Variants in CAMSAP1 observed in about 807,000 individuals in gnomAD.
CAMSAP1 encodes calmodulin-regulated spectrin-associated protein 1.
Under a neutral mutation model 143.5 loss-of-function variants are expected in CAMSAP1, and 58 were observed. The observed-to-expected ratio is 0.40, with a 90% confidence interval of 0.33 to 0.50. The LOEUF (loss-of-function observed/expected upper bound fraction) is 0.50, where lower values mean the gene tolerates loss of function less well. CAMSAP1 is among the 20% of genes least tolerant of loss of function. The pLI, the probability that CAMSAP1 is intolerant of heterozygous loss-of-function variation, is 0.45. For synonymous variants in CAMSAP1, 945 were observed against 859.3 expected (o/e 1.10, Z -1.74); for missense variants, 1,969 against 2,115.7 (o/e 0.93, Z 1.36).
chr9:135,850,413 A>G lies in CAMSAP1; in HGVS notation c.857T>C (p.Ile286Thr), dbSNP rs1391327009. 6.2e-7 allele frequency: 1 copy of G among 1,610,546 alleles called. No homozygotes were observed. Among genetic ancestry groups the G allele is most frequent in the South Asian group, 1.1e-5 (1 of 89,970 alleles). Reference sequence around the variant, plus strand: ...ATTGGAGAATTCTCTCAGAAGCCGAATATTATACAGACTGTCGGCCATCGA... The same window carrying G: ...ATTGGAGAATTCTCTCAGAAGCCGAGTATTATACAGACTGTCGGCCATCGA... ...VTSMADSLYN[I>T]RLLREFSNEY... The change falls in exon 6 of 17, where the codon ATT becomes ACT. Residue 286 changes from isoleucine (I) to threonine (T), a missense_variant. By Grantham distance (89) the Ile-to-Thr change is moderately conservative. Coordinates refer to ENST00000389532, the MANE Select transcript of CAMSAP1 (RefSeq NM_015447.4).
At position 135,822,026 on chromosome 9, in the gene CAMSAP1, C is replaced by T. The variant is rs746589787; in HGVS notation, c.2635G>A (p.Val879Ile). ...DPASLLASEL[V>I]QLHMQLEEKR... is the part of the protein sequence containing the mutation. ...TCCTCCAGCTGCATGTGCAGCTGTACCAGCTCAGATGCCAGGAGGCTGGCG... is the reference window on the plus strand; with the variant it reads ...TCCTCCAGCTGCATGTGCAGCTGTATCAGCTCAGATGCCAGGAGGCTGGCG... The change falls in exon 11 of 17, where the codon GTA becomes ATA. Residue 879 changes from valine to isoleucine, a missense_variant. Val to Ile is a conservative substitution (Grantham distance 29, BLOSUM62 3). Transcript: ENST00000389532. This position sits in a 1 kb window ranked among gnomAD's most constrained non-coding sequence, Gnocchi z 6.1. 5 of 1,612,920 alleles carry T rather than the reference C, an allele frequency of 3.1e-6. No individual in the cohort carries two copies. In the Admixed American group the frequency reaches 8.3e-5, roughly 27 times the overall value.
chr9:135,902,132 C>G (rs1273150103), intron 1 of CAMSAP1, among the ~76,000 whole-genome samples: 1 of 152,184 alleles, frequency 6.6e-6, no homozygotes, highest in Non-Finnish European at 1.5e-5. Flanking sequence ...GCTAGCTGGA[C>G]CAACTAGCAA....
Position 135,895,507 on chromosome 9 carries a change from G to A in CAMSAP1, c.160+11493C>T, listed in dbSNP as rs896647063. Among the ~76,000 whole-genome samples the A allele has an allele frequency of 2.6e-5, 4 of 152,044 alleles. No homozygotes were observed. The East Asian group carries it at 7.7e-4, about 29-fold the overall frequency. ...AGACTATCCTTAAAAAAATGAAGAGGAAATAAAGATGTTTTCTGGTGAAGA... is the reference window on the plus strand; with the variant it reads ...AGACTATCCTTAAAAAAATGAAGAGAAAATAAAGATGTTTTCTGGTGAAGA... On this transcript the variant is annotated intron_variant, in intron 1 of 16. Coordinates refer to ENST00000389532, the MANE Select transcript of CAMSAP1 (RefSeq NM_015447.4).
chr9:135,888,976 G>A (rs1206109164), intron 1 of CAMSAP1, among the ~76,000 whole-genome samples: 1 of 152,242 alleles, frequency 6.6e-6, no homozygotes, highest in African/African-American at 2.4e-5. Flanking sequence ...GTGCAGACTT[G>A]GCTTCCAGCC....
At chr9:135,842,366 A>G (rs1350063372) in intron 7 of CAMSAP1, among the ~76,000 whole-genome samples, 1 of 152,246 alleles carries the variant, frequency 6.6e-6, no homozygotes, top group East Asian at 1.9e-4. Flanking sequence ...GCCCAAACCT[A>G]CGTTTGACTG....
chr9:135,892,810 C>T (rs1408206123), intron 1 of CAMSAP1, among the ~76,000 whole-genome samples: 1 of 127,262 alleles, frequency 7.9e-6, no homozygotes, highest in East Asian at 2.2e-4. Context: ...AAGATCACAA[C>T]ATTGCACTCC....
At chr9:135,898,476 T>C (rs1838522116) in intron 1 of CAMSAP1, among the ~76,000 whole-genome samples, 1 of 152,156 alleles carries the variant, frequency 6.6e-6, no homozygotes. Flanking sequence ...GAGAGCCCAT[T>C]TCTACAAAAA....
At position 135,810,649 on chromosome 9, in the gene CAMSAP1, T is replaced by G. The variant is rs577251400; in HGVS notation, c.*660A>C. 4.6e-5 allele frequency: 7 copies of G among 152,594 alleles called. No homozygotes were observed. The highest frequency in any genetic ancestry group is 1.0e-4 in the Non-Finnish European group (7 of 68,060). The allele number at this position is 152,594 out of a possible 1,614,324, so 9.5% of individuals were successfully genotyped here. A position where few individuals can be genotyped will look rare whatever the true frequency, so the allele number is the denominator to read the frequency against. ...GACAGGCTTTGCAGATTTCGGTGCTTTTAGTGAACTGGTGTTTTCCGTAAA... is the reference window on the plus strand; with the variant it reads ...GACAGGCTTTGCAGATTTCGGTGCTGTTAGTGAACTGGTGTTTTCCGTAAA... On this transcript the variant is annotated 3_prime_UTR_variant, in exon 17 of 17. Transcript: ENST00000389532.
At chr9:135,890,223 A>G (rs1838247758) in intron 1 of CAMSAP1, among the ~76,000 whole-genome samples, 1 of 152,052 alleles carries the variant, frequency 6.6e-6, no homozygotes, top group Admixed American at 6.5e-5. Context: ...CTCCACACAC[A>G]TACAGCTCAC....
At position 135,823,025 on chromosome 9, in the gene CAMSAP1, C is replaced by A. The variant is rs1835540287; in HGVS notation, c.1636G>T (p.Val546Phe). The A allele has an allele frequency of 6.2e-7, 1 of 1,613,880 alleles. No individual in the cohort carries two copies. The highest frequency in any genetic ancestry group is 1.3e-5 in the African/African-American group (1 of 74,902). The change falls in exon 11 of 17, where the codon GTT (valine) becomes TTT (phenylalanine). Residue 546 changes from valine to phenylalanine, a missense_variant. Coordinates refer to ENST00000389532, the MANE Select transcript of CAMSAP1 (RefSeq NM_015447.4). ...EDEEEELVAI[V>F]RADVVPQQAD... ...TGCTGGGGAACCACGTCTGCTCTAA[C>A]AATAGCCACAAGCTCCTCTTCCTCA...
At chr9:135,873,178 TAG>T (rs1185564459) in intron 3 of CAMSAP1, among the ~76,000 whole-genome samples, 9 of 152,176 alleles carry the variant, frequency 5.9e-5, no homozygotes, top group Non-Finnish European at 1.3e-4. Flanking sequence ...AAAAGCTATC[TAG>T]AACCTCTCTT....
At chr9:135,859,384 A>G (rs1369761472) in intron 5 of CAMSAP1, among the ~76,000 whole-genome samples, 1 of 151,578 alleles carries the variant, frequency 6.6e-6, no homozygotes, top group African/African-American at 2.4e-5. Flanking sequence ...TCTCCTTGTA[A>G]CTCTGCCATT....
chr9:135,821,346 C>T lies in CAMSAP1; in HGVS notation c.3315G>A (p.Ala1105=), dbSNP rs895709302. The T allele has an allele frequency of 7.4e-6, 12 of 1,613,534 alleles. No individual in the cohort carries two copies. The highest frequency in any genetic ancestry group is 1.0e-5 in the Non-Finnish European group (12 of 1,179,828). ...GCCTGTCTTTTGGGACCTTCAGCTC[C>T]GCCGGCCTTCCGGAACGGGAATTCC... ...QGRNSRSGRP[A]ELKVPKDRPQ... Residue 1105 remains alanine, a synonymous_variant, in exon 11 of 17, where the codon GCG becomes GCA. Coordinates refer to ENST00000389532, the MANE Select transcript of CAMSAP1 (RefSeq NM_015447.4). This position sits in a 1 kb window ranked among gnomAD's most constrained non-coding sequence, Gnocchi z 4.6.
In CAMSAP1 at chr9:135,811,461, C is replaced by T. The variant is rs1435605209; in HGVS notation, c.4657G>A (p.Asp1553Asn). 5.6e-6 allele frequency: 9 copies of T among 1,611,960 alleles called. No individual in the cohort carries two copies. The highest frequency in any genetic ancestry group is 1.1e-5 in the South Asian group (1 of 90,658). Residue 1553 changes from aspartate to asparagine, a missense_variant, in exon 17 of 17, where the codon GAC (aspartate) becomes AAC (asparagine). Around this residue, in one of 4 missense-constraint regions of CAMSAP1, gnomAD observed 143 missense variants for 200.6 expected, o/e 0.71. Coordinates refer to ENST00000389532, the MANE Select transcript of CAMSAP1 (RefSeq NM_015447.4). The surrounding 1 kb of genome is among the most constrained non-coding windows in gnomAD (Gnocchi z 4.9). The stretch of plus-strand genomic sequence containing the variant: ...TCTGAGCTGTATTTATACAGTTTGT[C>T]GATCATTTTCTTGGTGATGTTCTTT... Reference protein sequence around the residue: ...GPKNITKKMIDKLYKYSSDRK... With the variant: ...GPKNITKKMINKLYKYSSDRK...
intron 1 of CAMSAP1, 30 bp downstream of exon 1, chr9:135,906,969 GC>G (rs1006530944): frequency 2.8e-5 from 29 of 1,034,072 alleles, no homozygotes; most frequent in African/African-American, 3.5e-5. Context: ...CGCGCCCCTG[GC>G]CCCCGCCCCG....
rs1835540086 is a variant in CAMSAP1 at position 135,823,016 on chromosome 9, C to T, written c.1645G>A (p.Asp549Asn). 6.2e-7 allele frequency: 1 copy of T among 1,614,028 alleles called. No individual in the cohort carries two copies. Among genetic ancestry groups the T allele is most frequent in the Non-Finnish European group, 8.5e-7 (1 of 1,179,896 alleles). ...GGGTCAGCCTGCTGGGGAACCACGT[C>T]TGCTCTAACAATAGCCACAAGCTCC... ...EEELVAIVRA[D>N]VVPQQADPEF... Residue 549 changes from aspartate to asparagine, a missense_variant, in exon 11 of 17, where the codon GAC becomes AAC. Asp to Asn is a conservative substitution (Grantham distance 23). Transcript: ENST00000389532.
Position 135,907,304 on chromosome 9 carries a change from A to C in CAMSAP1, c.-145T>G, listed in dbSNP as rs1588519503. ...GGCGCCCGAGCGCGGCCCCCGCCTC[A>C]CCTCACAGCCGCCGCCGTCGCCGCC... On this transcript the variant is annotated 5_prime_UTR_variant, in exon 1 of 17. Transcript: ENST00000389532. The C allele has an allele frequency of 2.9e-6, 1 of 344,288 alleles. No individual in the cohort carries two copies. The highest frequency in any genetic ancestry group is 4.1e-6 in the Non-Finnish European group (1 of 246,538). The allele number at this position is 344,288 out of a possible 1,614,324, so 21.3% of individuals were successfully genotyped here.
rs913549210 is a variant in CAMSAP1 at position 135,882,283 on chromosome 9, C to T, written c.424-489G>A. 3.9e-5 allele frequency among the ~76,000 whole-genome samples: 6 copies of T among 152,148 alleles called. No individual in the cohort carries two copies. Among genetic ancestry groups the T allele is most frequent in the Non-Finnish European group, 2.9e-5 (2 of 68,036 alleles). Reference sequence around the variant, plus strand: ...CAGGAATGACACTCTCTTCAACCACCGCACGGCACCCGCAGTCTCACCGGG... The same window carrying T: ...CAGGAATGACACTCTCTTCAACCACTGCACGGCACCCGCAGTCTCACCGGG... On this transcript the variant is annotated intron_variant, in intron 2 of 16. Transcript: ENST00000389532. This position sits in a 1 kb window ranked among gnomAD's most constrained non-coding sequence, Gnocchi z 4.9.
intron 7 of CAMSAP1, chr9:135,836,374 C>T: frequency 1.0e-6 from 1 of 984,622 alleles, no homozygotes; most frequent in Non-Finnish European, 1.2e-6. Flanking sequence ...ACCTTCTACC[C>T]TGTTCTACAG....
Sources: allele counts gnomAD v4.1 joint callset (sites outside exome capture counted in the v4.1 genomes callset), GRCh38; gene constraint gnomAD v4.1.1; regional missense constraint gnomAD v4.1.1; non-coding constraint Gnocchi (gnomAD v3.1); transcripts MANE v1.5; gene names NCBI Gene and HGNC (gene_info 2026-07-23, HGNC 2026-07-21).